The following LHFPL2 variants were observed in gnomAD, a reference collection of about 807,000 sequenced individuals.
LHFPL2 encodes LHFPL tetraspan subfamily member 2.
LHFPL2 carries 7 observed loss-of-function variants against 17.5 expected under a neutral mutation model. That is an observed-to-expected ratio of 0.40 (90% CI 0.23 to 0.75). The LOEUF (loss-of-function observed/expected upper bound fraction) is 0.75. LHFPL2 is among the 30% of genes least tolerant of loss of function. The probability of loss-of-function intolerance (pLI) is 0.37; values close to 1 mark genes in which losing one functional copy is unlikely to be tolerated. For synonymous variants in LHFPL2, 134 were observed against 116.2 expected, an observed-to-expected ratio of 1.15 and a Z score of -0.99; for missense variants, 241 against 294.8, an observed-to-expected ratio of 0.82 and a Z score of 1.34.
intron 4 of LHFPL2, among the ~76,000 whole-genome samples, chr5:78,508,974 AC>A (rs1020257609): frequency 3.9e-4 from 60 of 152,288 alleles, no homozygotes; most frequent in African/African-American, 1.4e-3. Context: ...ACAGATTGTT[AC>A]CCCATTGGTT....
chr5:78,631,617 C>G (rs993875582), intron 2 of LHFPL2, among the ~76,000 whole-genome samples: 2 of 152,194 alleles, frequency 1.3e-5, no homozygotes, highest in African/African-American at 4.8e-5. Flanking sequence ...TCTGAAAAGC[C>G]TCTCATTCAG....
intron 3 of LHFPL2, among the ~76,000 whole-genome samples, chr5:78,546,029 T>G (rs1031163874): frequency 1.3e-5 from 2 of 152,194 alleles, no homozygotes; most frequent in African/African-American, 4.8e-5. Context: ...CTCCTATACC[T>G]TGGTCATGTT....
chr5:78,574,328 G>A (rs1201094613), intron 2 of LHFPL2, among the ~76,000 whole-genome samples: 2 of 152,212 alleles, frequency 1.3e-5, no homozygotes. Context: ...GGCCCCAGGA[G>A]GAGAGGCTGA....
rs1580737057 is a variant in LHFPL2 at position 78,489,764 on chromosome 5, A to G, written c.431-611T>C. ...GTTGGTAAACTAAGGCCCTCAAGCC[A>G]AATGTTAACTTTATAAGTAAAGTTT... On this transcript the variant is annotated intron_variant, in intron 4 of 4. Coordinates refer to ENST00000380345, the MANE Select transcript of LHFPL2 (RefSeq NM_005779.3). Among the ~76,000 whole-genome samples the G allele has an allele frequency of 2.0e-5, 3 of 152,242 alleles. No individual in the cohort carries two copies. In the South Asian group the frequency reaches 6.2e-4, roughly 32 times the overall value.
At chr5:78,503,682 G>A (rs1223229359) in intron 4 of LHFPL2, among the ~76,000 whole-genome samples, 1 of 148,384 alleles carries the variant, frequency 6.7e-6, no homozygotes, top group African/African-American at 2.4e-5. Flanking sequence ...TGGGCAATAA[G>A]AGCGAAACTC....
rs78148272 is a variant in LHFPL2, at chr5:78,487,328, C to T, written c.*1569G>A. The T allele has an allele frequency of 2.5e-3, 378 of 152,326 alleles. 2 individuals are homozygous for T. The highest frequency in any genetic ancestry group is 8.7e-3 in the African/African-American group (363 of 41,570). The allele number at this position is 152,326 out of a possible 1,614,324, so 9.4% of individuals were successfully genotyped here. A position where few individuals can be genotyped will look rare whatever the true frequency, so the allele number is the denominator to read the frequency against. ...AGACTCAGACAGCTTTAACATGATT[C>T]ACTCAGGGCAAGGTTGCAAACTCTG... On this transcript the variant is annotated 3_prime_UTR_variant, in exon 5 of 5. Transcript: ENST00000380345.
Position 78,487,761 on chromosome 5 carries a change from C to A in LHFPL2, c.*1136G>T, listed in dbSNP as rs1479461873. The A allele has an allele frequency of 6.6e-6, 1 of 152,198 alleles. No homozygotes were observed. The highest frequency in any genetic ancestry group is 1.5e-5 in the Non-Finnish European group (1 of 68,042). 9.4% of individuals were successfully genotyped at this position (152,198 alleles called of 1,614,324 possible). On this transcript the variant is annotated 3_prime_UTR_variant, in exon 5 of 5. Coordinates refer to ENST00000380345, the MANE Select transcript of LHFPL2 (RefSeq NM_005779.3). ...GAATTAACTTTGTCCTCTGTGCTTT[C>A]CTGGAATTAAGGTCTTGGCTGCAGT... is the stretch of plus-strand genomic sequence containing the variant.
At chr5:78,561,855 AT>A (rs1445462372) in intron 3 of LHFPL2, among the ~76,000 whole-genome samples, 2 of 152,318 alleles carry the variant, frequency 1.3e-5, no homozygotes, top group East Asian at 3.9e-4. Context: ...CAGGGATTTA[AT>A]CCCAGAGAGT....
At chr5:78,533,645 T>C (rs1424998388) in intron 3 of LHFPL2, among the ~76,000 whole-genome samples, 1 of 152,094 alleles carries the variant, frequency 6.6e-6, no homozygotes, top group African/African-American at 2.4e-5. Flanking sequence ...AAAGCAAGCA[T>C]CATTTACATT....
chr5:78,587,977 T>A (rs1038425664), intron 2 of LHFPL2, among the ~76,000 whole-genome samples: 1 of 152,186 alleles, frequency 6.6e-6, no homozygotes, highest in African/African-American at 2.4e-5. Flanking sequence ...CTCCCTCCGG[T>A]GGTTCCAGAA....
intron 2 of LHFPL2, among the ~76,000 whole-genome samples, chr5:78,570,510 G>A (rs1199758604): frequency 6.6e-6 from 1 of 151,952 alleles, no homozygotes; most frequent in Non-Finnish European, 1.5e-5. Flanking sequence ...CCTAGACTAT[G>A]AGTGATGAAG....
chr5:78,549,796 T>C (rs1321632897), intron 3 of LHFPL2, among the ~76,000 whole-genome samples: 1 of 152,232 alleles, frequency 6.6e-6, no homozygotes, highest in Admixed American at 6.5e-5. Flanking sequence ...TGCATCCATG[T>C]CTAAAATACC....
chr5:78,589,840 C>T (rs559346811), intron 2 of LHFPL2, among the ~76,000 whole-genome samples: 1 of 152,190 alleles, frequency 6.6e-6, no homozygotes. Flanking sequence ...ACACAGTTAA[C>T]TGAATAAATG....
intron 3 of LHFPL2, among the ~76,000 whole-genome samples, chr5:78,531,277 T>C (rs1260359176): frequency 2.0e-5 from 3 of 152,062 alleles, no homozygotes; most frequent in South Asian, 2.1e-4. Flanking sequence ...TAGCCGGGCA[T>C]GGTGGTGCAT....
intron 4 of LHFPL2, among the ~76,000 whole-genome samples, chr5:78,492,683 G>C (rs945399473): frequency 2.6e-5 from 4 of 152,186 alleles, no homozygotes; most frequent in Non-Finnish European, 4.4e-5. Flanking sequence ...GGAGACTCTT[G>C]CTGTTGTTTA....
chr5:78,559,689 T>C (rs969294470), intron 3 of LHFPL2, among the ~76,000 whole-genome samples: 24 of 152,320 alleles, frequency 1.6e-4, no homozygotes, highest in African/African-American at 5.8e-4. Context: ...TTTGGTCCAA[T>C]TTACCATCGA....
intron 2 of LHFPL2, among the ~76,000 whole-genome samples, chr5:78,594,287 T>G (rs991365730): frequency 6.6e-6 from 1 of 152,226 alleles, no homozygotes; most frequent in African/African-American, 2.4e-5. Flanking sequence ...AGAGGCAGCA[T>G]AGCTTTGTAT....
At chr5:78,547,921 A>G (rs946123716) in intron 3 of LHFPL2, among the ~76,000 whole-genome samples, 1 of 152,234 alleles carries the variant, frequency 6.6e-6, no homozygotes, top group African/African-American at 2.4e-5. Context: ...CCCATCGTGA[A>G]GAAAATATTT....
intron 2 of LHFPL2, among the ~76,000 whole-genome samples, chr5:78,584,924 G>A (rs956896479): frequency 2.0e-5 from 3 of 150,534 alleles, no homozygotes; most frequent in African/African-American, 7.3e-5. Flanking sequence ...TGCTGTGCTA[G>A]CAATCAACGA....
Sources: allele counts gnomAD v4.1 joint callset (sites outside exome capture counted in the v4.1 genomes callset), GRCh38; gene constraint gnomAD v4.1.1; transcripts MANE v1.5; gene names NCBI Gene and HGNC (gene_info 2026-07-23, HGNC 2026-07-21).